The following ZNF208 variants were observed in gnomAD, a reference collection of about 807,000 sequenced individuals.
ZNF208 encodes the protein zinc finger protein 95.
Under a neutral mutation model 12.1 loss-of-function variants are expected in ZNF208, and 10 were observed. That is an observed-to-expected ratio of 0.83 (90% CI 0.51 to 1.40). ZNF208 has a LOEUF of 1.40. ZNF208 is among the 40% of genes most tolerant of loss of function. ZNF208 has a pLI of 0.00. For synonymous variants in ZNF208, 497 were observed against 488.4 expected (o/e 1.02, Z -0.23); for missense variants, 1,652 against 1,485.0 (o/e 1.11, Z -1.85).
intron 4 of ZNF208, among the ~76,000 whole-genome samples, chr19:21,958,326 A>G (rs767604517): frequency 3.2e-4 from 48 of 152,312 alleles, no homozygotes; most frequent in Non-Finnish European, 6.3e-4. Flanking sequence ...CTCTGCCTGC[A>G]GCTCATCAAA....
chr19:21,978,995 T>C lies in ZNF208; in HGVS notation c.227-4188A>G, dbSNP rs142513235. On this transcript the variant is annotated intron_variant, in intron 3 of 3. Coordinates refer to ENST00000397126, the MANE Select transcript of ZNF208 (RefSeq NM_007153.3). ...GGATATCAGAGACTGAAGATTAACT[T>C]AATGAAATAAAGCAAGAAGACAAGA... Among the ~76,000 whole-genome samples the C allele has an allele frequency of 7.5e-3, 1,134 of 152,060 alleles. 10 individuals are homozygous for C. The highest frequency in any genetic ancestry group is 0.026 in the African/African-American group (1,062 of 41,482).
In ZNF208 at chr19:21,943,397, G is replaced by C. The variant is rs553938380; in HGVS notation, c.306-10160C>G. 2.0e-5 allele frequency among the ~76,000 whole-genome samples: 3 copies of C among 152,270 alleles called. No individual in the cohort carries two copies. In the South Asian group the frequency reaches 6.2e-4, roughly 32 times the overall value. On this transcript the variant is annotated intron_variant, in intron 4 of 4. Coordinates refer to the ZNF208 transcript ENST00000599916. ...GTGCATACATATTTGTCCTTATTTT[G>C]GGAGAGTATGAAACAGACCATTGCA... is the stretch of plus-strand genomic sequence containing the variant.
At chr19:21,958,247 T>C (rs1599605067) in intron 4 of ZNF208, among the ~76,000 whole-genome samples, 1 of 152,116 alleles carries the variant, frequency 6.6e-6, no homozygotes, top group Admixed American at 6.6e-5. Context: ...TCTAGTCTCA[T>C]TCATTGTTTC....
chr19:21,956,019 T>C (rs1969970272), intron 4 of ZNF208, among the ~76,000 whole-genome samples: 1 of 152,212 alleles, frequency 6.6e-6, no homozygotes, highest in African/African-American at 2.4e-5. Context: ...GGTTTTGGTG[T>C]GGATGTCCCT....
intron 1 of ZNF208, among the ~76,000 whole-genome samples, chr19:21,989,179 T>G (rs950205344): frequency 2.7e-4 from 41 of 151,698 alleles, no homozygotes; most frequent in African/African-American, 9.4e-4. Flanking sequence ...CCTGGTGTAC[T>G]GCACCCATTA....
chr19:21,965,899 G>T (rs1403967052), downstream of ZNF208: 6 of 151,704 alleles, frequency 4.0e-5, no homozygotes, highest in African/African-American at 1.5e-4. Flanking sequence ...AAATAATAAA[G>T]GTGTAATTTG....
chr19:21,975,058 A>C (rs1410802736), intron 3 of ZNF208, among the ~76,000 whole-genome samples: 2 of 152,172 alleles, frequency 1.3e-5, no homozygotes, highest in Non-Finnish European at 2.9e-5. Flanking sequence ...CACACAGAAA[A>C]AAAGAAAAGT....
rs1970261037 is a variant in ZNF208 at position 21,970,646 on chromosome 19, G to C, written c.*545C>G. 1 of 1,018,150 alleles carries C rather than the reference G, an allele frequency of 9.8e-7. No homozygotes were observed. The highest frequency in any genetic ancestry group is 1.5e-6 in the Non-Finnish European group (1 of 658,576). The allele number at this position is 1,018,150 out of a possible 1,614,324, so 63.1% of individuals were successfully genotyped here. A position where few individuals can be genotyped will look rare whatever the true frequency, so the allele number is the denominator to read the frequency against. On this transcript the variant is annotated 3_prime_UTR_variant, in exon 4 of 4. Coordinates refer to ENST00000397126, the MANE Select transcript of ZNF208 (RefSeq NM_007153.3). ...GTATGAATTCTCTTATGTTCCATAA[G>C]GTTTGAGGACTGGTTGAAGCCTTTG...
At chr19:21,940,970 G>A in intron 4 of ZNF208, 1 of 176,604 alleles carries the variant, frequency 5.7e-6, no homozygotes, top group Non-Finnish European at 1.2e-5. Flanking sequence ...CTGGGCGACC[G>A]TGGGCGTGGG....
chr19:21,960,226 TTA>T (rs1489169074), intron 4 of ZNF208, among the ~76,000 whole-genome samples: 1 of 152,136 alleles, frequency 6.6e-6, no homozygotes, highest in African/African-American at 2.4e-5. Context: ...TTGTCTCAAA[TTA>T]TGTTAATAAT....
intron 4 of ZNF208, among the ~76,000 whole-genome samples, chr19:21,950,227 G>T (rs193234277): frequency 8.5e-5 from 13 of 152,122 alleles, no homozygotes; most frequent in Admixed American, 7.9e-4. Context: ...CCTGGAAGAG[G>T]ATTTTTTCTC....
At chr19:21,992,517 G>A (rs1474874821) in intron 1 of ZNF208, among the ~76,000 whole-genome samples, 1 of 152,162 alleles carries the variant, frequency 6.6e-6, no homozygotes, top group Non-Finnish European at 1.5e-5. Context: ...GCTTCAATGA[G>A]TGTTTTCTTA....
intron 3 of ZNF208, among the ~76,000 whole-genome samples, chr19:21,981,103 T>C (rs1021543758): frequency 5.9e-5 from 9 of 152,106 alleles, no homozygotes; most frequent in African/African-American, 2.2e-4. Context: ...CAGGACCCGA[T>C]GGATTCACAA....
In ZNF208 at chr19:21,972,201, A is replaced by C. The variant is rs1169221909; in HGVS notation, c.2833T>G (p.Tyr945Asp). 6.2e-7 allele frequency: 1 copy of C among 1,613,300 alleles called. No homozygotes were observed. The highest frequency in any genetic ancestry group is 1.1e-5 in the South Asian group (1 of 91,004). ...HKKTHAGEKF[Y>D]KCEACGKAYK... Reference sequence around the variant, plus strand: ...GCTTTGCCACATGCTTCACATTTGTAGAATTTCTCTCCAGCATGAGTTTTC... The same window carrying C: ...GCTTTGCCACATGCTTCACATTTGTCGAATTTCTCTCCAGCATGAGTTTTC... The change falls in exon 4 of 4, where the codon TAC becomes GAC. Residue 945 changes from tyrosine to aspartate, a missense_variant. Tyr to Asp is a radical substitution (Grantham distance 160, BLOSUM62 -3). This residue lies in a region of ZNF208 where 1,239 missense variants were observed against 1,086.2 expected (regional missense o/e 1.14). Coordinates refer to ENST00000397126, the MANE Select transcript of ZNF208 (RefSeq NM_007153.3).
intron 1 of ZNF208, among the ~76,000 whole-genome samples, chr19:21,989,894 T>C (rs1443960823): frequency 1.3e-5 from 2 of 152,224 alleles, no homozygotes; most frequent in Admixed American, 6.5e-5. Context: ...TGGAGAAGTG[T>C]CTGTTCATAT....
At chr19:21,997,434 G>A (rs570024167) in intron 1 of ZNF208, among the ~76,000 whole-genome samples, 4 of 152,108 alleles carry the variant, frequency 2.6e-5, no homozygotes, top group African/African-American at 7.2e-5. Flanking sequence ...GTTGATTCGG[G>A]TGCTATCTTT....
intron 4 of ZNF208, among the ~76,000 whole-genome samples, chr19:21,953,257 G>C (rs2145518853): frequency 2.0e-5 from 3 of 152,294 alleles, no homozygotes; most frequent in Middle Eastern, 6.8e-3. Context: ...TATTAGCCAG[G>C]AGAACTTCCC....
chr19:21,952,570 G>A (rs1969906732), intron 4 of ZNF208, among the ~76,000 whole-genome samples: 1 of 152,180 alleles, frequency 6.6e-6, no homozygotes, highest in South Asian at 2.1e-4. Context: ...CAACAAACCT[G>A]AAGCTGAGAG....
At chr19:21,963,571 T>C (rs1397184458), downstream of ZNF208, among the ~76,000 whole-genome samples, 1 of 152,020 alleles carries the variant, frequency 6.6e-6, no homozygotes, top group Non-Finnish European at 1.5e-5. Flanking sequence ...ACATTGCACA[T>C]CAATGCTTTT....
Sources: gnomAD v4.1 joint callset for allele counts (sites outside exome capture counted in the v4.1 genomes callset) on GRCh38, gnomAD v4.1.1 for gene constraint, gnomAD v4.1.1 regional missense constraint, MANE v1.5 for transcripts, NCBI Gene and HGNC (gene_info 2026-07-23, HGNC 2026-07-21) for gene names.